The following ARID4A variants were observed in gnomAD, a reference collection of about 807,000 sequenced individuals.
ARID4A encodes AT-rich interactive domain-containing protein 4A.
In ARID4A, 39 loss-of-function variants were observed where a neutral mutation model predicts 148.6. The observed-to-expected ratio is 0.26, with a 90% CI of 0.20 to 0.34. The LOEUF is 0.34. Among genes scored for constraint, ARID4A ranks in the 10% least tolerant of loss-of-function variants. ARID4A has a pLI of 1.00. For missense variants in ARID4A, 1,265 were observed against 1,449.1 expected (o/e 0.87, Z 2.06); for synonymous variants, 475 against 481.2 (o/e 0.99, Z 0.17).
intron 6 of ARID4A, 32 bp from the exon 7 acceptor site, chr14:58,318,679 A>T: frequency 6.2e-7 from 1 of 1,613,250 alleles, no homozygotes; most frequent in South Asian, 1.1e-5. Flanking sequence ...CTAGAGGTAA[A>T]ACGTAATTTA....
At chr14:58,341,135 G>A (rs2034099411) in intron 11 of ARID4A, among the ~76,000 whole-genome samples, 1 of 151,866 alleles carries the variant, frequency 6.6e-6, no homozygotes, top group African/African-American at 2.4e-5. Flanking sequence ...ATCCCAGCTG[G>A]CAGGACTAAT....
At chr14:58,348,954 A>G (rs2140237513) in intron 15 of ARID4A, among the ~76,000 whole-genome samples, 1 of 152,296 alleles carries the variant, frequency 6.6e-6, no homozygotes, top group South Asian at 2.1e-4. Context: ...ACCACCGTCC[A>G]GTTCCAGAAT....
Position 58,329,480 on chromosome 14 carries a change from A to T in ARID4A, c.663-48A>T, listed in dbSNP as rs374095044. The T allele has an allele frequency of 3.9e-5, 49 of 1,257,884 alleles. No homozygotes were observed. The African/African-American group carries it at 5.7e-4, about 15-fold the overall frequency. The allele number at this position is 1,257,884 out of a possible 1,614,324, so 77.9% of individuals were successfully genotyped here. A position where few individuals can be genotyped will look rare whatever the true frequency, so the allele number is the denominator to read the frequency against. ...TGTTAACATGAACTATTTAAGTGAT[A>T]ATTTTTATTGAATAAATTGTTTTCC... On this transcript the variant is annotated intron_variant, in intron 9 of 23. Transcript: ENST00000355431.
chr14:58,357,816 T>C (rs2034953765), intron 17 of ARID4A, among the ~76,000 whole-genome samples: 1 of 152,222 alleles, frequency 6.6e-6, no homozygotes. Context: ...TATATTTAGA[T>C]AATGTAAAAA....
chr14:58,365,626 G>C lies in ARID4A; in HGVS notation c.3316+4G>C. On this transcript the variant is annotated splice_donor_region_variant and intron_variant, in intron 21 of 23. Coordinates refer to ENST00000355431, the MANE Select transcript of ARID4A (RefSeq NM_002892.4). ...AAAAATGAAAAGAATGGAACAGGTT[G>C]GTGTCTTTCAATGCTAGCTTTTGTA... The C allele has an allele frequency of 6.2e-7, 1 of 1,609,966 alleles. No individual in the cohort carries two copies. The highest frequency in any genetic ancestry group is 8.5e-7 in the Non-Finnish European group (1 of 1,177,862).
At chr14:58,359,388 C>T (rs1421242190) in intron 18 of ARID4A, among the ~76,000 whole-genome samples, 172 bp downstream of exon 18, 5 of 152,104 alleles carry the variant, frequency 3.3e-5, no homozygotes, top group African/African-American at 1.2e-4. Flanking sequence ...CCCAGATTGT[C>T]AACATCCCCC....
At chr14:58,337,884 A>G (rs2033912011) in intron 11 of ARID4A, among the ~76,000 whole-genome samples, 2 of 152,152 alleles carry the variant, frequency 1.3e-5, no homozygotes, top group African/African-American at 4.8e-5. Context: ...CACCTTCAGG[A>G]CGAAGTCTGG....
chr14:58,308,813 T>C (rs1309830393), intron 5 of ARID4A, among the ~76,000 whole-genome samples: 1 of 152,224 alleles, frequency 6.6e-6, no homozygotes, highest in African/African-American at 2.4e-5. Context: ...CAGAAAATTA[T>C]TCAGAGTGTT....
At chr14:58,345,751 G>A (rs1374337498) in intron 12 of ARID4A, among the ~76,000 whole-genome samples, 1 of 40,552 alleles carries the variant, frequency 2.5e-5, no homozygotes, top group Non-Finnish European at 4.3e-5. Context: ...TTTTTTTTGT[G>A]ACAGAGTCTT....
At chr14:58,340,496 C>T (rs2034062323) in intron 11 of ARID4A, among the ~76,000 whole-genome samples, 1 of 152,140 alleles carries the variant, frequency 6.6e-6, no homozygotes, top group South Asian at 2.1e-4. Context: ...ATTACAGGCG[C>T]ACAACGCCAC....
At position 58,351,213 on chromosome 14, in the gene ARID4A, T is replaced by C. The variant is rs746935605; in HGVS notation, c.1545T>C (p.Asn515=). 3.7e-6 allele frequency: 6 copies of C among 1,611,518 alleles called. No individual in the cohort carries two copies. Among genetic ancestry groups the C allele is most frequent in the South Asian group, 1.1e-5 (1 of 90,540 alleles). ...DDYETAEKKE[N]ELLLGRKNTP... ...ATGAAACTGCAGAGAAAAAAGAAAATGAGCTACTACTGGGGAGAAAAAATA... is the reference window on the plus strand; with the variant it reads ...ATGAAACTGCAGAGAAAAAAGAAAACGAGCTACTACTGGGGAGAAAAAATA... Residue 515 remains asparagine, a synonymous_variant, in exon 16 of 24, where the codon AAT becomes AAC. Transcript: ENST00000355431.
At chr14:58,311,485 G>C (rs2032028778) in intron 5 of ARID4A, among the ~76,000 whole-genome samples, 1 of 152,144 alleles carries the variant, frequency 6.6e-6, no homozygotes, top group African/African-American at 2.4e-5. Flanking sequence ...GCCCGCCATT[G>C]GTGGGAAAGT....
In ARID4A at chr14:58,347,746, A is replaced by G. The variant is rs561468014; in HGVS notation, c.1272A>G (p.Leu424=). The G allele has an allele frequency of 8.7e-5, 140 of 1,613,904 alleles. 1 individual carries two copies. In the South Asian group the frequency reaches 1.5e-3, roughly 17 times the overall value. Residue 424 remains leucine, a synonymous_variant, in exon 15 of 24, where the codon TTA becomes TTG. Transcript: ENST00000355431. ...EPKVKEEKKD[L]EESMEEALKL... is the part of the protein sequence containing the mutation. ...AAGTAAAAGAGGAAAAAAAAGACTTAGAAGAATCAATGGAAGAGGCTCTCA... is the reference window on the plus strand; with the variant it reads ...AAGTAAAAGAGGAAAAAAAAGACTTGGAAGAATCAATGGAAGAGGCTCTCA...
chr14:58,353,632 A>G, intron 16 of ARID4A, 26 bp from the exon 17 acceptor site: 1 of 1,586,820 alleles, frequency 6.3e-7, no homozygotes, highest in Non-Finnish European at 8.6e-7. Flanking sequence ...TATTAGTAGC[A>G]TTATCAGTAT....
At chr14:58,357,465 A>C (rs1322846213) in intron 17 of ARID4A, among the ~76,000 whole-genome samples, 1 of 152,206 alleles carries the variant, frequency 6.6e-6, no homozygotes, top group African/African-American at 2.4e-5. Flanking sequence ...TTCCAGATAC[A>C]TGAGTTTCTA....
In ARID4A at chr14:58,317,512, TCCTGA is replaced by T. The variant is rs1233076941; in HGVS notation, c.275-1021_275-1017del. Reference sequence around the variant, plus strand: ...CGTGTTAGCCAGGATGGTCTCGATTTCCTGACCTGACCTCGTGATCCGCCCACCTC... The same window carrying T: ...CGTGTTAGCCAGGATGGTCTCGATTTCCTGACCTCGTGATCCGCCCACCTC... On this transcript the variant is annotated intron_variant, in intron 5 of 23. Coordinates refer to ENST00000355431, the MANE Select transcript of ARID4A (RefSeq NM_002892.4). Among the ~76,000 whole-genome samples, 5 of 151,372 alleles carry T rather than the reference TCCTGA, an allele frequency of 3.3e-5. No homozygotes were observed. In the East Asian group the frequency reaches 5.9e-4, roughly 18 times the overall value.
At chr14:58,323,684 A>G in intron 8 of ARID4A, 67 bp downstream of exon 8, 1 of 1,410,564 alleles carries the variant, frequency 7.1e-7, no homozygotes, top group Non-Finnish European at 9.8e-7. Flanking sequence ...ATTTTTTTAA[A>G]AGCATTTAAA....
chr14:58,347,627 A>G lies in ARID4A; in HGVS notation c.1173-20A>G. ...ATGCAAAGACTGTAAGATTTCTTAA[A>G]TGAAATATTGTTTGTTTAGGTATCT... On this transcript the variant is annotated intron_variant, in intron 14 of 23. Coordinates refer to ENST00000355431, the MANE Select transcript of ARID4A (RefSeq NM_002892.4). 1 of 1,500,056 alleles carries G rather than the reference A, an allele frequency of 6.7e-7. No individual in the cohort carries two copies. Among genetic ancestry groups the G allele is most frequent in the Non-Finnish European group, 9.0e-7 (1 of 1,108,374 alleles). 92.9% of individuals were successfully genotyped at this position (1,500,056 alleles called of 1,614,324 possible). A position where few individuals can be genotyped will look rare whatever the true frequency, so the allele number is the denominator to read the frequency against.
In ARID4A at chr14:58,346,489, A is replaced by G; in HGVS notation, c.1058A>G (p.Gln353Arg). The G allele has an allele frequency of 6.2e-7, 1 of 1,607,064 alleles. No homozygotes were observed. The highest frequency in any genetic ancestry group is 8.5e-7 in the Non-Finnish European group (1 of 1,174,954). Residue 353 changes from glutamine to arginine, a missense_variant, in exon 13 of 24, where the codon CAG (glutamine) becomes CGG (arginine). Physicochemically the swap from Gln to Arg is conservative, Grantham distance 43 (BLOSUM62 1). Transcript: ENST00000355431. ...AAACTCTTCAGACTGGTTTATCATC[A>G]GGGTGGATGTGACAATGTAAGTATA... ...LFKLFRLVYH[Q>R]GGCDNIDSGA... is the part of the protein sequence containing the mutation.
Sources: gnomAD v4.1 joint callset for allele counts (sites outside exome capture counted in the v4.1 genomes callset) on GRCh38, gnomAD v4.1.1 for gene constraint, MANE v1.5 for transcripts, NCBI Gene and HGNC (gene_info 2026-07-23, HGNC 2026-07-21) for gene names.